The following DBF4B variants were observed in gnomAD, a reference collection of about 807,000 sequenced individuals.
DBF4B encodes protein DBF4 homolog B.
DBF4B carries 49 observed loss-of-function variants against 53.4 expected under a neutral mutation model. The observed-to-expected ratio is 0.92, with a 90% CI of 0.73 to 1.16. DBF4B has a LOEUF of 1.16. Among genes scored for constraint, DBF4B ranks in the 50% most tolerant of loss-of-function variants. The pLI is 0.00. For missense variants in DBF4B, 692 were observed against 775.0 expected (o/e 0.89, Z 1.27); for synonymous variants, 257 against 288.7 (o/e 0.89, Z 1.11).
chr17:44,750,344 C>A (rs1186740782), intron 13 of DBF4B: 1 of 1,293,922 alleles, frequency 7.7e-7, no homozygotes, highest in African/African-American at 1.5e-5. Flanking sequence ...TTGAAGCTTC[C>A]GGAAGCCTGA....
intron 10 of DBF4B, 26 bp from the exon 11 acceptor site, chr17:44,747,057 T>C: frequency 6.2e-7 from 1 of 1,608,806 alleles, no homozygotes. Flanking sequence ...CAGTAACCAC[T>C]TTGCCGCACT....
intron 7 of DBF4B, among the ~76,000 whole-genome samples, chr17:44,734,573 C>T (rs572968770): frequency 6.6e-6 from 1 of 152,340 alleles, no homozygotes; most frequent in African/African-American, 2.4e-5. Context: ...ATTGAAATAG[C>T]TGCCATCTTC....
chr17:44,730,197 T>C, intron 4 of DBF4B, 101 bp downstream of exon 4: 1 of 1,273,930 alleles, frequency 7.8e-7, no homozygotes, highest in Non-Finnish European at 1.1e-6. Flanking sequence ...TCTGGATTAA[T>C]TTAATCTCTC....
rs371578786 is a variant in DBF4B at position 44,734,087 on chromosome 17, C to T, written c.557-3C>T. ...TGGCACAAACCCTCTGTCTTCTCCA[C>T]AGAAATGATGATGCACGTGCAACAG... On this transcript the variant is annotated splice_polypyrimidine_tract_variant and splice_region_variant and intron_variant, in intron 6 of 13. Coordinates refer to ENST00000315005, the MANE Select transcript of DBF4B (RefSeq NM_145663.3). The T allele has an allele frequency of 1.2e-5, 20 of 1,613,120 alleles. No homozygotes were observed. Among genetic ancestry groups the T allele is most frequent in the Non-Finnish European group, 1.7e-5 (20 of 1,179,118 alleles).
At chr17:44,746,704 A>G (rs912681314) in intron 10 of DBF4B, among the ~76,000 whole-genome samples, 1 of 151,868 alleles carries the variant, frequency 6.6e-6, no homozygotes, top group Non-Finnish European at 1.5e-5. Context: ...CTGTAATCCC[A>G]GCTACTCTGG....
chr17:44,741,502 C>A, intron 10 of DBF4B, 50 bp downstream of exon 10: 1 of 1,307,972 alleles, frequency 7.6e-7, no homozygotes, highest in Non-Finnish European at 1.1e-6. Context: ...AGGCCAAAGT[C>A]CTCCCCATCG....
intron 2 of DBF4B, among the ~76,000 whole-genome samples, chr17:44,722,326 A>G (rs1325703817): frequency 6.6e-6 from 1 of 152,184 alleles, no homozygotes; most frequent in Non-Finnish European, 1.5e-5. Context: ...GTTGGGAAGT[A>G]GGCCCATTCA....
intron 2 of DBF4B, among the ~76,000 whole-genome samples, chr17:44,717,633 C>T (rs1011626348): frequency 1.1e-4 from 17 of 149,392 alleles, no homozygotes; most frequent in Non-Finnish European, 1.9e-4. Flanking sequence ...CACTTGAATC[C>T]GGGAGGCAGA....
chr17:44,745,168 G>A (rs911066115), intron 10 of DBF4B, among the ~76,000 whole-genome samples: 4 of 152,094 alleles, frequency 2.6e-5, no homozygotes, highest in African/African-American at 4.8e-5. Flanking sequence ...CTGCGCCCAA[G>A]TGATCCTCCC....
In DBF4B at chr17:44,750,860, G is replaced by A. The variant is rs150959523; in HGVS notation, c.1455G>A (p.Pro485=). ...LHPSQENSFA[P]ADIPVKGPLL... ...CCTCCCAAGAAAACTCCTTTGCCCC[G>A]GCGGACATTCCTGTTAAGGGCCCAC... Residue 485 remains proline (P), a synonymous_variant, in exon 14 of 14, where the codon CCG becomes CCA. Transcript: ENST00000315005. The A allele has an allele frequency of 1.3e-4, 203 of 1,614,170 alleles. No individual in the cohort carries two copies. The African/African-American group carries it at 2.1e-3, about 17-fold the overall frequency.
chr17:44,742,664 G>A (rs1976186600), intron 10 of DBF4B, among the ~76,000 whole-genome samples: 1 of 152,092 alleles, frequency 6.6e-6, no homozygotes, highest in Non-Finnish European at 1.5e-5. Context: ...AAGCTCTCAT[G>A]TGATTTCAGT....
chr17:44,715,198 A>G (rs115877520), intron 2 of DBF4B, among the ~76,000 whole-genome samples: 312 of 149,318 alleles, frequency 2.1e-3, no homozygotes, highest in African/African-American at 7.5e-3. Context: ...TTTCTTGTGG[A>G]TTTTTGTTTG....
Position 44,749,743 on chromosome 17 carries a change from G to A in DBF4B, c.1190-852G>A, listed in dbSNP as rs370880088. 2.0e-5 allele frequency: 22 copies of A among 1,122,706 alleles called. No homozygotes were observed. The highest frequency in any genetic ancestry group is 1.1e-4 in the South Asian group (5 of 45,464). The allele number at this position is 1,122,706 out of a possible 1,614,324, so 69.5% of individuals were successfully genotyped here. The stretch of plus-strand genomic sequence containing the variant: ...GCTGGGGCAGCAGGAGTCCTGGCCC[G>A]GCTTCCTGGCCCTCCACAGGCCCTT... On this transcript the variant is annotated intron_variant, in intron 13 of 13. Coordinates refer to ENST00000315005, the MANE Select transcript of DBF4B (RefSeq NM_145663.3). This position sits in a 1 kb window ranked among gnomAD's most constrained non-coding sequence, Gnocchi z 4.4.
chr17:44,711,861 G>A (rs575329958), intron 2 of DBF4B, among the ~76,000 whole-genome samples: 2 of 151,694 alleles, frequency 1.3e-5, no homozygotes, highest in Admixed American at 6.6e-5. Flanking sequence ...GCGTGAACCC[G>A]GGAGGCGGAG....
At chr17:44,714,092 A>G (rs533153785) in intron 2 of DBF4B, among the ~76,000 whole-genome samples, 2 of 152,292 alleles carry the variant, frequency 1.3e-5, no homozygotes, top group African/African-American at 2.4e-5. Context: ...AATACCATTT[A>G]GTTTTCACTT....
Position 44,747,341 on chromosome 17 carries a change from C to G in DBF4B, c.940-50C>G, listed in dbSNP as rs752896840. On this transcript the variant is annotated intron_variant, in intron 11 of 13. Transcript: ENST00000315005. ...CTGGGAGGTCAGCTTCCGTGTCCCC[C>G]TCCCCCCAGGCCTCATCTAATGCCC... 1.1e-5 allele frequency: 18 copies of G among 1,609,070 alleles called. No individual in the cohort carries two copies. The South Asian group carries it at 2.0e-4, about 18-fold the overall frequency.
At position 44,750,276 on chromosome 17, in the gene DBF4B, C is replaced by T. The variant is rs992250327; in HGVS notation, c.1190-319C>T. Reference sequence around the variant, plus strand: ...CTTTTTCTTTCATTACAATTTGTACCGTGATTCTTCTCACCCTTCTCTGCG... The same window carrying T: ...CTTTTTCTTTCATTACAATTTGTACTGTGATTCTTCTCACCCTTCTCTGCG... On this transcript the variant is annotated intron_variant, in intron 13 of 13. Coordinates refer to ENST00000315005, the MANE Select transcript of DBF4B (RefSeq NM_145663.3). The T allele has an allele frequency of 1.3e-5, 14 of 1,093,394 alleles. No individual in the cohort carries two copies. In the African/African-American group the frequency reaches 1.3e-4, roughly 10 times the overall value. The allele number at this position is 1,093,394 out of a possible 1,614,324, so 67.7% of individuals were successfully genotyped here. A position where few individuals can be genotyped will look rare whatever the true frequency, so the allele number is the denominator to read the frequency against.
At chr17:44,722,283 G>T (rs1238564466) in intron 2 of DBF4B, among the ~76,000 whole-genome samples, 3 of 151,776 alleles carry the variant, frequency 2.0e-5, no homozygotes, top group Non-Finnish European at 4.4e-5. Context: ...CTGTCTTTTT[G>T]AGTTATAATT....
At chr17:44,748,913 CAGA>C in intron 13 of DBF4B, 2 of 1,290,152 alleles carry the variant, frequency 1.6e-6, no homozygotes, top group Non-Finnish European at 2.0e-6. Flanking sequence ...CTCTCTCTCC[CAGA>C]CCCCTTCCCC....
Sources: gnomAD v4.1 joint callset for allele counts (sites outside exome capture counted in the v4.1 genomes callset) on GRCh38, gnomAD v4.1.1 for gene constraint, Gnocchi (gnomAD v3.1) non-coding constraint, MANE v1.5 for transcripts, NCBI Gene and HGNC (gene_info 2026-07-23, HGNC 2026-07-21) for gene names.